Variants in THAP10 observed in about 807,000 individuals in gnomAD.
The protein encoded by THAP10 is THAP domain containing 10.
Under a neutral mutation model 15.7 loss-of-function variants are expected in THAP10, and 10 were observed. That is an observed-to-expected ratio of 0.64 (90% CI 0.39 to 1.08). THAP10 has a LOEUF of 1.08. THAP10 is among the 50% of genes least tolerant of loss of function. The pLI is 0.01. For synonymous variants in THAP10, 127 were observed against 129.1 expected, an observed-to-expected ratio of 0.98 and a Z score of 0.11; for missense variants, 310 against 330.9, an observed-to-expected ratio of 0.94 and a Z score of 0.49.
intron 1 of THAP10, among the ~76,000 whole-genome samples, chr15:70,886,718 T>C (rs1209324337): frequency 6.6e-6 from 1 of 151,682 alleles, no homozygotes; most frequent in African/African-American, 2.4e-5. Flanking sequence ...ATACAAAAAT[T>C]AGCTGGGTGC....
At chr15:70,885,519 T>A (rs570650600) in intron 1 of THAP10, among the ~76,000 whole-genome samples, 2 of 152,164 alleles carry the variant, frequency 1.3e-5, no homozygotes, top group South Asian at 4.1e-4. Flanking sequence ...GGGGTAACCA[T>A]AGGACAGAAT....
At chr15:70,885,035 G>A (rs2033368454) in intron 1 of THAP10, among the ~76,000 whole-genome samples, 1 of 152,106 alleles carries the variant, frequency 6.6e-6, no homozygotes, top group African/African-American at 2.4e-5. Flanking sequence ...ACATAGGAAT[G>A]TATTCTACAG....
intron 1 of THAP10, among the ~76,000 whole-genome samples, chr15:70,883,733 C>T (rs931498806): frequency 1.3e-5 from 2 of 151,262 alleles, no homozygotes; most frequent in African/African-American, 4.9e-5. Flanking sequence ...ACTGCAACTG[C>T]AACATCCACC....
Position 70,882,526 on chromosome 15 carries a change from T to C in THAP10, c.702A>G (p.Thr234=). 6.2e-7 allele frequency: 1 copy of C among 1,613,956 alleles called. No individual in the cohort carries two copies. Among genetic ancestry groups the C allele is most frequent in the Non-Finnish European group, 8.5e-7 (1 of 1,179,886 alleles). ...TCTGTTCACTCTTGATATCCCAGTC[T>C]GTATCTGTTTCTGAATCACTGGAGT... is the stretch of plus-strand genomic sequence containing the variant. ...DIYSSDSETD[T]DWDIKSEQSD... Residue 234 remains threonine (T), a synonymous_variant, in exon 3 of 3, where the codon ACA becomes ACG. Coordinates refer to ENST00000249861, the MANE Select transcript of THAP10 (RefSeq NM_020147.4).
intron 1 of THAP10, among the ~76,000 whole-genome samples, chr15:70,884,320 G>T (rs2033345975): frequency 6.6e-6 from 1 of 152,052 alleles, no homozygotes; most frequent in Non-Finnish European, 1.5e-5. Context: ...ATCACTTGAG[G>T]TCAGGAGTTC....
chr15:70,882,903 C>G lies in THAP10; in HGVS notation c.435G>C (p.Thr145=), dbSNP rs150853216. ...GGGTTTGCACAAGTTCATTTTCACA[C>G]GTAATCTAAAAATACAAATCAGAGG... The part of the protein sequence containing the change: ...AGKQAAASQI[T]CENELVQTQP... Residue 145 remains threonine, a synonymous_variant, in exon 2 of 3, where the codon ACG becomes ACC. Transcript: ENST00000249861. The G allele has an allele frequency of 6.8e-6, 11 of 1,613,538 alleles. No homozygotes were observed. Among genetic ancestry groups the G allele is most frequent in the Non-Finnish European group, 9.3e-6 (11 of 1,179,854 alleles).
At chr15:70,885,732 T>C (rs959558479) in intron 1 of THAP10, among the ~76,000 whole-genome samples, 1 of 152,186 alleles carries the variant, frequency 6.6e-6, no homozygotes, top group Non-Finnish European at 1.5e-5. Context: ...ACCAAATAGG[T>C]AGAATTTGAA....
Position 70,892,255 on chromosome 15 carries a change from C to A in THAP10, c.18G>T (p.Val6=). MPARC[V]AAHCGNTTKS... ...TGGTGGTGTTGCCGCAGTGGGCGGC[C>A]ACACAACGGGCCGGCATGGCGGCCG... Residue 6 remains valine, a synonymous_variant, in exon 1 of 3, where the codon GTG becomes GTT. Coordinates refer to ENST00000249861, the MANE Select transcript of THAP10 (RefSeq NM_020147.4). 6.3e-7 allele frequency: 1 copy of A among 1,576,606 alleles called. No individual in the cohort carries two copies. The highest frequency in any genetic ancestry group is 1.3e-5 in the African/African-American group (1 of 74,242).
At chr15:70,889,367 C>CA (rs569371493) in intron 1 of THAP10, among the ~76,000 whole-genome samples, 12 of 151,490 alleles carry the variant, frequency 7.9e-5, no homozygotes, top group South Asian at 4.2e-4. Context: ...ATCCCCCCCC[C>CA]AAAAAAAAGC....
intron 1 of THAP10, 64 bp downstream of exon 1, chr15:70,891,780 C>T: frequency 7.1e-7 from 1 of 1,405,834 alleles, no homozygotes; most frequent in Non-Finnish European, 9.4e-7. Flanking sequence ...CAAGGTGACA[C>T]TAAGTGGAGG....
At chr15:70,890,665 T>C (rs1330737473) in intron 1 of THAP10, among the ~76,000 whole-genome samples, 7 of 152,140 alleles carry the variant, frequency 4.6e-5, no homozygotes. Flanking sequence ...AGTACATAAC[T>C]AAGGGATCAA....
chr15:70,891,616 T>TGA (rs974096296), intron 1 of THAP10, among the ~76,000 whole-genome samples: 1 of 124,156 alleles, frequency 8.1e-6, no homozygotes, highest in Non-Finnish European at 1.7e-5. Context: ...TGTGTGTGTG[T>TGA]GTGAGTTTTG....
At chr15:70,890,874 C>G (rs758841161) in intron 1 of THAP10, among the ~76,000 whole-genome samples, 1 of 152,038 alleles carries the variant, frequency 6.6e-6, no homozygotes, top group Non-Finnish European at 1.5e-5. Context: ...GGACAGTGGC[C>G]TTGGTTAGGG....
intron 1 of THAP10, among the ~76,000 whole-genome samples, chr15:70,885,686 C>T (rs1019038536): frequency 5.9e-5 from 9 of 152,110 alleles, no homozygotes; most frequent in Non-Finnish European, 1.0e-4. Flanking sequence ...AATAACATTG[C>T]TAATAACCTA....
At chr15:70,890,178 G>C (rs1199631101) in intron 1 of THAP10, among the ~76,000 whole-genome samples, 1 of 152,142 alleles carries the variant, frequency 6.6e-6, no homozygotes, top group Non-Finnish European at 1.5e-5. Context: ...ATTAGGTTGT[G>C]TAATTATGAA....
chr15:70,892,308 T>G lies in THAP10; in HGVS notation c.-36A>C. The G allele has an allele frequency of 6.4e-7, 1 of 1,550,840 alleles. No homozygotes were observed. The highest frequency in any genetic ancestry group is 1.2e-5 in the South Asian group (1 of 83,802). On this transcript the variant is annotated 5_prime_UTR_variant, in exon 1 of 3. Coordinates refer to ENST00000249861, the MANE Select transcript of THAP10 (RefSeq NM_020147.4). The stretch of plus-strand genomic sequence containing the variant: ...TTCGGTGCGCGGGAGCCGGGTTCCC[T>G]GGACCTTCGCCCTTGGGCACGCTCC...
intron 1 of THAP10, 147 bp from the exon 2 acceptor site, chr15:70,883,055 C>T: frequency 1.4e-6 from 1 of 704,450 alleles, no homozygotes; most frequent in Non-Finnish European, 2.3e-6. Flanking sequence ...CAAGGTGAAT[C>T]TATAGTCCAA....
Position 70,882,592 on chromosome 15 carries a change from T to C in THAP10, c.636A>G (p.Thr212=). 1 of 1,614,064 alleles carries C rather than the reference T, an allele frequency of 6.2e-7. No homozygotes were observed. The highest frequency in any genetic ancestry group is 8.5e-7 in the Non-Finnish European group (1 of 1,179,922). ...AGGAAGTTCTAGACCACAATTCCTC[T>C]GTCTGAGTAGTTGCATTACACAGTC... is the stretch of plus-strand genomic sequence containing the variant. ...GKRLCNATTQ[T]EELWSRTSSL... The change falls in exon 3 of 3, where the codon ACA becomes ACG. Residue 212 remains threonine, a synonymous_variant. Coordinates refer to ENST00000249861, the MANE Select transcript of THAP10 (RefSeq NM_020147.4).
At chr15:70,890,099 G>C (rs375626002) in intron 1 of THAP10, among the ~76,000 whole-genome samples, 2 of 152,228 alleles carry the variant, frequency 1.3e-5, no homozygotes, top group South Asian at 4.1e-4. Context: ...GTTTCCCAAC[G>C]GTTAGTTTTT....
Sources: allele counts gnomAD v4.1 joint callset (sites outside exome capture counted in the v4.1 genomes callset), GRCh38; gene constraint gnomAD v4.1.1; transcripts MANE v1.5; gene names NCBI Gene and HGNC (gene_info 2026-07-23, HGNC 2026-07-21).